Variants in PARVG observed in about 807,000 individuals in gnomAD.
PARVG encodes parvin gamma, also known as gamma-parvin.
PARVG carries 36 observed loss-of-function variants against 44.4 expected under a neutral mutation model. That is an observed-to-expected ratio of 0.81 (90% CI 0.62 to 1.07). The LOEUF (loss-of-function observed/expected upper bound fraction) is 1.07, where lower values mean the gene tolerates loss of function less well. PARVG is among the 50% of genes least tolerant of loss of function. PARVG has a pLI of 0.00. For synonymous variants in PARVG, 170 were observed against 174.1 expected (o/e 0.98, Z 0.19); for missense variants, 407 against 407.4 (o/e 1.00, Z 0.01).
At chr22:44,205,637 A>T in intron 12 of PARVG, 120 bp from the exon 13 acceptor site, 1 of 1,179,554 alleles carries the variant, frequency 8.5e-7, no homozygotes, top group African/African-American at 1.5e-5. Flanking sequence ...CCCACCTTGG[A>T]TGGGAGTTTA....
chr22:44,173,534 C>T (rs7292425), intron 1 of PARVG, among the ~76,000 whole-genome samples: 5 of 138,472 alleles, frequency 3.6e-5, no homozygotes, highest in East Asian at 1.9e-4. Flanking sequence ...AAGGCAACCA[C>T]GCTATTAAAA....
chr22:44,188,999 T>C, intron 5 of PARVG, 115 bp from the exon 6 acceptor site: 1 of 1,398,432 alleles, frequency 7.2e-7, no homozygotes, highest in Non-Finnish European at 9.8e-7. Context: ...AAGAATGGGC[T>C]CTCCAGACCC....
intron 12 of PARVG, among the ~76,000 whole-genome samples, chr22:44,203,079 T>C (rs1243301184): frequency 1.3e-5 from 2 of 152,172 alleles, no homozygotes; most frequent in Non-Finnish European, 2.9e-5. Flanking sequence ...CAGCTCTTAC[T>C]GGGGGATGAT....
intron 8 of PARVG, 159 bp downstream of exon 8, chr22:44,192,263 C>A: frequency 1.3e-6 from 1 of 757,382 alleles, no homozygotes; most frequent in Non-Finnish European, 2.1e-6. Flanking sequence ...ACCTCTCAAT[C>A]CCACGGCAGC....
intron 5 of PARVG, chr22:44,188,147 TA>T: frequency 2.0e-6 from 1 of 508,958 alleles, no homozygotes. Flanking sequence ...CTCTAACACT[TA>T]TTGAGTGCCT....
rs766115477 is a variant in PARVG at position 44,196,448 on chromosome 22, G to A, written c.711+33G>A. ...CTGAGCTGCGGCGTCCCCAGGCAGG[G>A]CAGGGCCACTGGCCGTAGGAAGGAA... On this transcript the variant is annotated intron_variant, in intron 11 of 13. Transcript: ENST00000444313. The A allele has an allele frequency of 6.8e-6, 11 of 1,612,066 alleles. No individual in the cohort carries two copies. The East Asian group carries it at 2.2e-4, about 33-fold the overall frequency.
intron 4 of PARVG, chr22:44,186,675 C>T (rs896450148): frequency 6.4e-6 from 3 of 470,842 alleles, no homozygotes; most frequent in African/African-American, 2.0e-5. Flanking sequence ...AGCTCGGTCT[C>T]CTCCACAGGC....
upstream of PARVG, among the ~76,000 whole-genome samples, chr22:44,177,681 A>G (rs1169620378): frequency 6.6e-6 from 1 of 152,122 alleles, no homozygotes; most frequent in Admixed American, 6.5e-5. Context: ...CATCATTACC[A>G]GGAGACATGT....
At chr22:44,178,033 A>G (rs1188606161), upstream of PARVG, among the ~76,000 whole-genome samples, 1 of 152,148 alleles carries the variant, frequency 6.6e-6, no homozygotes, top group East Asian at 1.9e-4. Context: ...GGAAACAGTT[A>G]CTTCAGACAT....
chr22:44,174,982 C>T (rs910032064), intron 1 of PARVG, among the ~76,000 whole-genome samples: 2 of 152,044 alleles, frequency 1.3e-5, no homozygotes, highest in South Asian at 4.1e-4. Flanking sequence ...ATTAGCTGGG[C>T]GTGGTGCCAG....
exon 1 of PARVG, chr22:44,173,066 C>G: frequency 7.8e-7 from 1 of 1,289,770 alleles, no homozygotes; most frequent in Non-Finnish European, 1.0e-6. Context: ...CTTCCCGGGA[C>G]CTTCCAATTG....
chr22:44,189,954 C>G (rs2054526023), intron 6 of PARVG, among the ~76,000 whole-genome samples: 2 of 152,038 alleles, frequency 1.3e-5, no homozygotes, highest in African/African-American at 4.8e-5. Flanking sequence ...TGCCAAACAC[C>G]TAGACTTCCC....
chr22:44,177,027 G>A (rs1031073697), upstream of PARVG, among the ~76,000 whole-genome samples: 4 of 152,146 alleles, frequency 2.6e-5, no homozygotes, highest in Admixed American at 1.3e-4. Flanking sequence ...CTCATGACAC[G>A]TGGGGATTAT....
chr22:44,181,698 A>G lies in PARVG; in HGVS notation c.-188-44A>G, dbSNP rs530768784. On this transcript the variant is annotated intron_variant, in intron 1 of 13. Coordinates refer to ENST00000444313, the MANE Select transcript of PARVG (RefSeq NM_022141.7). ...GCAGAGCTTTCTGGAGGTTTGTGGC[A>G]GCTTCACTTTCACGGCATCCACCCC... The G allele has an allele frequency of 2.7e-4, 261 of 984,874 alleles. 6 individuals are homozygous for G. In the South Asian group the frequency reaches 0.011, roughly 41 times the overall value. 61.0% of individuals were successfully genotyped at this position (984,874 alleles called of 1,614,324 possible).
At chr22:44,179,149 A>G (rs1004078650), upstream of PARVG, among the ~76,000 whole-genome samples, 1 of 151,304 alleles carries the variant, frequency 6.6e-6, no homozygotes, top group Non-Finnish European at 1.5e-5. The surrounding 1 kb of genome is among the most constrained non-coding windows in gnomAD (Gnocchi z 4.2). Flanking sequence ...GGCTGGAATA[A>G]TTCCCTTCTA....
At chr22:44,184,311 C>G (rs1257636730) in intron 3 of PARVG, 1 of 152,230 alleles carries the variant, frequency 6.6e-6, no homozygotes, top group Non-Finnish European at 1.5e-5. Flanking sequence ...TTCTCCAGCT[C>G]CTGTGAATAC....
chr22:44,206,362 G>A lies in PARVG; in HGVS notation c.932G>A (p.Gly311Asp). The change falls in exon 14 of 14, where the codon GGT becomes GAT. Residue 311 changes from glycine to aspartate, a missense_variant. Physicochemically the swap from Gly to Asp is moderately conservative, Grantham distance 94. Transcript: ENST00000444313. Reference sequence around the variant, plus strand: ...AAGAGCACACTGAGGGTGCTCTATGGTCTGTTCTGCAAGCACACGCAGAAG... The same window carrying A: ...AAGAGCACACTGAGGGTGCTCTATGATCTGTTCTGCAAGCACACGCAGAAG... ...DAKSTLRVLY[G>D]LFCKHTQKAH... 6.2e-7 allele frequency: 1 copy of A among 1,614,024 alleles called. No individual in the cohort carries two copies. Among genetic ancestry groups the A allele is most frequent in the Non-Finnish European group, 8.5e-7 (1 of 1,179,996 alleles).
At chr22:44,190,693 TA>T in intron 7 of PARVG, 27 bp downstream of exon 7, 1 of 1,574,840 alleles carries the variant, frequency 6.3e-7, no homozygotes, top group Non-Finnish European at 8.7e-7. Flanking sequence ...CAGGGATTTG[TA>T]AGCAGAAGCT....
chr22:44,201,205 C>A (rs73163849), intron 12 of PARVG, among the ~76,000 whole-genome samples: 179 of 152,320 alleles, frequency 1.2e-3, no homozygotes, highest in Admixed American at 2.5e-3. Flanking sequence ...CTCTGTGGGG[C>A]CCTGTACCAC....
Sources: allele counts gnomAD v4.1 joint callset (sites outside exome capture counted in the v4.1 genomes callset), GRCh38; gene constraint gnomAD v4.1.1; non-coding constraint Gnocchi (gnomAD v3.1); transcripts MANE v1.5; gene names NCBI Gene and HGNC (gene_info 2026-07-23, HGNC 2026-07-21).